The following CALCOCO1 variants were observed in gnomAD, a reference collection of about 807,000 sequenced individuals.
CALCOCO1 encodes calcium binding and coiled-coil domain 1, also known as calcium-binding and coiled-coil domain-containing protein 1.
Under a neutral mutation model 86.3 loss-of-function variants are expected in CALCOCO1, and 44 were observed. The observed-to-expected ratio is 0.51, with a 90% confidence interval of 0.40 to 0.66. CALCOCO1 has a LOEUF of 0.66. CALCOCO1 is among the 30% of genes least tolerant of loss of function. CALCOCO1 has a pLI of 0.00. For synonymous variants in CALCOCO1, 297 were observed against 327.6 expected (o/e 0.91, Z 1.01); for missense variants, 708 against 851.1 (o/e 0.83, Z 2.09).
chr12:53,724,768 A>G (rs781305354), intron 2 of CALCOCO1, 21 bp from the exon 3 acceptor site: 2 of 1,590,120 alleles, frequency 1.3e-6, no homozygotes, highest in Admixed American at 3.4e-5. Context: ...CCAAGGTTGG[A>G]GAAAGGTATG....
At chr12:53,719,286 G>A (rs1670925688) in intron 7 of CALCOCO1, among the ~76,000 whole-genome samples, 1 of 151,864 alleles carries the variant, frequency 6.6e-6, no homozygotes, top group Non-Finnish European at 1.5e-5. Flanking sequence ...AGCAATTTGG[G>A]AAGCTGAGGT....
In CALCOCO1 at chr12:53,711,015, C is replaced by A; in HGVS notation, c.*929G>T. The A allele has an allele frequency of 2.7e-6, 1 of 364,898 alleles. No individual in the cohort carries two copies. The highest frequency in any genetic ancestry group is 4.9e-6 in the Non-Finnish European group (1 of 205,114). The allele number at this position is 364,898 out of a possible 1,614,324, so 22.6% of individuals were successfully genotyped here. A position where few individuals can be genotyped will look rare whatever the true frequency, so the allele number is the denominator to read the frequency against. On this transcript the variant is annotated 3_prime_UTR_variant, in exon 15 of 15. Coordinates refer to ENST00000550804, the MANE Select transcript of CALCOCO1 (RefSeq NM_020898.3). ...CCCCTGCCATGAGGCAGGGATGCGTCCCCTCTTTCCCTCCTCCCTCCACCA... is the reference window on the plus strand; with the variant it reads ...CCCCTGCCATGAGGCAGGGATGCGTACCCTCTTTCCCTCCTCCCTCCACCA...
In CALCOCO1 at chr12:53,715,798, C is replaced by G. The variant is rs773203782; in HGVS notation, c.1255G>C (p.Val419Leu). 4.3e-6 allele frequency: 7 copies of G among 1,612,980 alleles called. No individual in the cohort carries two copies. The South Asian group carries it at 7.7e-5, about 18-fold the overall frequency. The change falls in exon 9 of 15, where the codon GTG (valine) becomes CTG (leucine). Residue 419 changes from valine (V) to leucine (L), a missense_variant. Transcript: ENST00000550804. ...GGTACCCCCCATCCCTCTACCTCCA[C>G]ACTCTGCAGCAGCCCTGCCCGCTCC... Reference protein sequence around the residue: ...SKERAGLLQSVEAEKDKILKL... With the variant: ...SKERAGLLQSLEAEKDKILKL...
At chr12:53,720,883 C>T (rs1332679206) in intron 6 of CALCOCO1, among the ~76,000 whole-genome samples, 1 of 152,092 alleles carries the variant, frequency 6.6e-6, no homozygotes, top group Non-Finnish European at 1.5e-5. Context: ...TCTCAGGACC[C>T]CCTGGTAAGT....
At chr12:53,715,152 T>C in intron 10 of CALCOCO1, 48 bp downstream of exon 10, 1 of 1,600,846 alleles carries the variant, frequency 6.2e-7, no homozygotes, top group Non-Finnish European at 8.5e-7. Flanking sequence ...GGGGTATGGA[T>C]GCCTCAGGAG....
chr12:53,720,912 G>A (rs1269574075), intron 6 of CALCOCO1, among the ~76,000 whole-genome samples: 1 of 152,198 alleles, frequency 6.6e-6, no homozygotes, highest in Non-Finnish European at 1.5e-5. Flanking sequence ...AGGAGAGTTT[G>A]GCTCAATACA....
At chr12:53,715,450 C>T (rs1477984992) in intron 9 of CALCOCO1, 125 bp from the exon 10 acceptor site, 20 of 1,284,614 alleles carry the variant, frequency 1.6e-5, no homozygotes, top group Non-Finnish European at 2.1e-5. Context: ...AGAGCACTTT[C>T]CCCTTTTTGC....
At chr12:53,724,342 T>C in intron 3 of CALCOCO1, 1 of 399,942 alleles carries the variant, frequency 2.5e-6, no homozygotes, top group Non-Finnish European at 4.7e-6. Flanking sequence ...ACCCAGGTCT[T>C]TCCCTCTTCT....
At chr12:53,723,342 AGAAG>A (rs1217729053) in intron 4 of CALCOCO1, among the ~76,000 whole-genome samples, 1 of 152,152 alleles carries the variant, frequency 6.6e-6, no homozygotes, top group Non-Finnish European at 1.5e-5. Context: ...CAGTGCATGG[AGAAG>A]GAAGGCTGCA....
rs1945515585 is a variant in CALCOCO1 at position 53,709,771 on chromosome 12, G to A, written c.*2173C>T. ...TGCGGCTTGGCAGGGGCTGTGGCAT[G>A]GGAGCAGGGGCCTGGGTTCCTGTTT... On this transcript the variant is annotated 3_prime_UTR_variant, in exon 15 of 15. Transcript: ENST00000550804. The A allele has an allele frequency of 6.6e-6, 1 of 152,400 alleles. No individual in the cohort carries two copies. Among genetic ancestry groups the A allele is most frequent in the Non-Finnish European group, 1.5e-5 (1 of 68,146 alleles). 9.4% of individuals were successfully genotyped at this position (152,400 alleles called of 1,614,324 possible).
In CALCOCO1 at chr12:53,713,878, G is replaced by A. The variant is rs140431811; in HGVS notation, c.1614C>T (p.Asp538=). The A allele has an allele frequency of 2.6e-6, 4 of 1,524,880 alleles. No individual in the cohort carries two copies. The African/African-American group carries it at 5.6e-5, about 21-fold the overall frequency. The allele number at this position is 1,524,880 out of a possible 1,614,324, so 94.5% of individuals were successfully genotyped here. ...TGTCTTCTGGGGACTCGTCCTCTGAGTCTGTCAGAGCTGCCGGGCAGCCTG... is the reference window on the plus strand; with the variant it reads ...TGTCTTCTGGGGACTCGTCCTCTGAATCTGTCAGAGCTGCCGGGCAGCCTG... ...VGLSCPAALT[D]SEDESPEDMR... The change falls in exon 13 of 15, where the codon GAC becomes GAT. Residue 538 remains aspartate (D), a synonymous_variant. Transcript: ENST00000550804.
intron 4 of CALCOCO1, chr12:53,722,750 T>G (rs540384472): frequency 3.2e-6 from 1 of 308,426 alleles, no homozygotes; most frequent in Non-Finnish European, 6.4e-6. Flanking sequence ...CAGCTAGCTA[T>G]GTGATTTTGA....
chr12:53,720,948 A>T (rs1402630084), intron 6 of CALCOCO1, among the ~76,000 whole-genome samples: 1 of 152,268 alleles, frequency 6.6e-6, no homozygotes, highest in Non-Finnish European at 1.5e-5. Flanking sequence ...ACAGCTGTCA[A>T]ATGTTAAAGA....
rs1945987402 is a variant in CALCOCO1 at position 53,725,066 on chromosome 12, CAA to C, written c.156+19_156+20del. The C allele has an allele frequency of 6.4e-7, 1 of 1,566,210 alleles. No homozygotes were observed. The highest frequency in any genetic ancestry group is 1.2e-5 in the South Asian group (1 of 82,766). On this transcript the variant is annotated intron_variant, in intron 2 of 14. Coordinates refer to ENST00000550804, the MANE Select transcript of CALCOCO1 (RefSeq NM_020898.3). ...CAACTCACAGCCCATAAACCTAAGCCAAAAGGGGTTCCAGAGATACCTTGAAG... is the reference window on the plus strand; with the variant it reads ...CAACTCACAGCCCATAAACCTAAGCCAAGGGGTTCCAGAGATACCTTGAAG...
At position 53,725,220 on chromosome 12, in the gene CALCOCO1, C is replaced by A; in HGVS notation, c.23G>T (p.Arg8Leu). 1.2e-6 allele frequency: 2 copies of A among 1,606,202 alleles called. No individual in the cohort carries two copies. The highest frequency in any genetic ancestry group is 1.7e-5 in the Admixed American group (1 of 58,766). Residue 8 changes from arginine (R) to leucine (L), a missense_variant, in exon 2 of 15, where the codon CGG becomes CTG. By Grantham distance (102) the Arg-to-Leu change is moderately radical. Transcript: ENST00000550804. ...GTTGACTCCACCACGGGATGGTGCCCGGCTTAGTGGTGATTCTTCCATCCT... is the reference window on the plus strand; with the variant it reads ...GTTGACTCCACCACGGGATGGTGCCAGGCTTAGTGGTGATTCTTCCATCCT... MEESPLS[R>L]APSRGGVNFL...
intron 4 of CALCOCO1, 85 bp from the exon 5 acceptor site, chr12:53,722,268 TG>T: frequency 6.5e-7 from 1 of 1,533,944 alleles, no homozygotes. Context: ...AGGTGCATTT[TG>T]GGTTTGGGAA....
intron 4 of CALCOCO1, among the ~76,000 whole-genome samples, chr12:53,723,300 T>A (rs1273208622): frequency 2.0e-5 from 3 of 152,206 alleles, no homozygotes; most frequent in Non-Finnish European, 4.4e-5. Flanking sequence ...CTCTCCACCC[T>A]TTGATCTTCC....
At chr12:53,720,314 G>A (rs941186) in intron 6 of CALCOCO1, among the ~76,000 whole-genome samples, 23,650 of 152,200 alleles carry the variant, frequency 0.16, 1,951 homozygotes, top group East Asian at 0.32. Flanking sequence ...AAACGAATGA[G>A]CATGATGTTT....
At chr12:53,723,004 C>T (rs1454152641) in intron 4 of CALCOCO1, 1 of 332,080 alleles carries the variant, frequency 3.0e-6, no homozygotes, top group East Asian at 1.0e-4. Flanking sequence ...AACAAAAAAA[C>T]CCCAAACAGT....
Sources: allele counts gnomAD v4.1 joint callset (sites outside exome capture counted in the v4.1 genomes callset), GRCh38; gene constraint gnomAD v4.1.1; transcripts MANE v1.5; gene names NCBI Gene and HGNC (gene_info 2026-07-23, HGNC 2026-07-21).